The following GLDC variants were observed in gnomAD, a reference collection of about 807,000 sequenced individuals.
GLDC encodes the protein glycine dehydrogenase (decarboxylating), mitochondrial.
In GLDC, 104 loss-of-function variants were observed where a neutral mutation model predicts 121.3. That is an observed-to-expected ratio of 0.86 (90% CI 0.73 to 1.01). GLDC has a LOEUF of 1.01. Ranked by LOEUF, GLDC falls within the 50% of genes least tolerant of loss-of-function variation. The pLI is 0.00. For missense variants in GLDC, 1,429 were observed against 1,306.6 expected (o/e 1.09, Z -1.44); for synonymous variants, 546 against 480.6 (o/e 1.14, Z -1.78).
At chr9:6,538,669 T>C (rs760771102) in intron 22 of GLDC, among the ~76,000 whole-genome samples, 84 of 152,182 alleles carry the variant, frequency 5.5e-4, no homozygotes, top group Non-Finnish European at 9.6e-4. Flanking sequence ...GACAACATGA[T>C]TCAGAAACAC....
chr9:6,644,809 T>G (rs1362029502), intron 1 of GLDC, 117 bp from the exon 2 acceptor site: 1 of 745,272 alleles, frequency 1.3e-6, no homozygotes, highest in Non-Finnish European at 2.4e-6. Context: ...TAGGGTTCTT[T>G]TTAAAAGAAA....
At chr9:6,588,329 A>G in intron 14 of GLDC, 72 bp downstream of exon 14, 1 of 975,736 alleles carries the variant, frequency 1.0e-6, no homozygotes, top group Non-Finnish European at 1.7e-6. Context: ...AGATTTCACT[A>G]GTTCTGGGCT....
chr9:6,599,038 G>C (rs1327445828), intron 8 of GLDC, among the ~76,000 whole-genome samples: 1 of 152,022 alleles, frequency 6.6e-6, no homozygotes, highest in Non-Finnish European at 1.5e-5. Flanking sequence ...AAAAATATTA[G>C]CCAGGCATGG....
chr9:6,591,931 A>C lies in GLDC; in HGVS notation c.1482+212T>G, dbSNP rs1212490073. Reference sequence around the variant, plus strand: ...TGAAACACCATTAACAATCTTTCCAACTAGCCTGGGTGCATAATACTGGCT... The same window carrying C: ...TGAAACACCATTAACAATCTTTCCACCTAGCCTGGGTGCATAATACTGGCT... On this transcript the variant is annotated intron_variant, in intron 11 of 24. Coordinates refer to ENST00000321612, the MANE Select transcript of GLDC (RefSeq NM_000170.3). 1.0e-4 allele frequency: 57 copies of C among 563,418 alleles called. No individual in the cohort carries two copies. The Admixed American group carries it at 1.6e-3, about 16-fold the overall frequency. The allele number at this position is 563,418 out of a possible 1,614,324, so 34.9% of individuals were successfully genotyped here.
At chr9:6,554,470 G>T (rs1444321949) in intron 19 of GLDC, among the ~76,000 whole-genome samples, 199 bp downstream of exon 19, 2 of 152,200 alleles carry the variant, frequency 1.3e-5, no homozygotes, top group Non-Finnish European at 2.9e-5. Context: ...GCTATGGTTA[G>T]TAAAATCTAA....
chr9:6,622,299 C>G (rs187344978), intron 2 of GLDC, among the ~76,000 whole-genome samples: 1 of 151,354 alleles, frequency 6.6e-6, no homozygotes, highest in Admixed American at 6.6e-5. Flanking sequence ...CGGGCCGAAG[C>G]TGGACTGTGC....
intron 3 of GLDC, among the ~76,000 whole-genome samples, chr9:6,619,205 T>C (rs908858596): frequency 6.7e-6 from 1 of 148,350 alleles, no homozygotes; most frequent in Non-Finnish European, 1.5e-5. Flanking sequence ...TATCTAACTG[T>C]TGAGGTAAGA....
At chr9:6,580,280 T>A (rs1327277554) in intron 15 of GLDC, among the ~76,000 whole-genome samples, 3 of 152,234 alleles carry the variant, frequency 2.0e-5, no homozygotes, top group Non-Finnish European at 4.4e-5. Context: ...GGGCCTGTTC[T>A]GTTGATAACA....
chr9:6,618,912 G>C (rs1313518581), intron 3 of GLDC, among the ~76,000 whole-genome samples: 1 of 151,758 alleles, frequency 6.6e-6, no homozygotes, highest in Non-Finnish European at 1.5e-5. Flanking sequence ...GGGAGGCCAA[G>C]GCGGGTGGAT....
intron 16 of GLDC, among the ~76,000 whole-genome samples, chr9:6,559,710 G>A (rs375352422): frequency 1.3e-5 from 2 of 151,596 alleles, no homozygotes; most frequent in African/African-American, 4.8e-5. Context: ...AGCTACTCAG[G>A]AGGCTGAGAC....
At chr9:6,633,769 A>C (rs975456894) in intron 2 of GLDC, among the ~76,000 whole-genome samples, 3 of 151,574 alleles carry the variant, frequency 2.0e-5, no homozygotes, top group Non-Finnish European at 4.4e-5. Context: ...AAAAATACAA[A>C]AATGAGCTAG....
intron 4 of GLDC, among the ~76,000 whole-genome samples, chr9:6,609,950 C>T (rs1286400861): frequency 6.6e-6 from 1 of 152,124 alleles, no homozygotes; most frequent in Non-Finnish European, 1.5e-5. Context: ...GCCTGCCAAC[C>T]TCAGCCCTCC....
chr9:6,567,366 T>C (rs1563840620), intron 15 of GLDC: 1 of 152,182 alleles, frequency 6.6e-6, no homozygotes, highest in Non-Finnish European at 1.5e-5. Context: ...AGGAAACCAC[T>C]CACATCACAA....
At chr9:6,562,338 C>A (rs1160291207) in intron 16 of GLDC, among the ~76,000 whole-genome samples, 1 of 151,970 alleles carries the variant, frequency 6.6e-6, no homozygotes, top group East Asian at 1.9e-4. Flanking sequence ...AAGAAAAGAC[C>A]CATCAGGAGC....
At position 6,532,845 on chromosome 9, in the gene GLDC, C is replaced by T; in HGVS notation, c.*172G>A. On this transcript the variant is annotated 3_prime_UTR_variant, in exon 25 of 25. Transcript: ENST00000321612. ...AGCAAATCCGTCTTCCAACCATCAGCTTCGACTCCCTCCAGCTACTGTATT... is the reference window on the plus strand; with the variant it reads ...AGCAAATCCGTCTTCCAACCATCAGTTTCGACTCCCTCCAGCTACTGTATT... 1 of 662,562 alleles carries T rather than the reference C, an allele frequency of 1.5e-6. No individual in the cohort carries two copies. Among genetic ancestry groups the T allele is most frequent in the Non-Finnish European group, 2.7e-6 (1 of 367,476 alleles). 41.0% of individuals were successfully genotyped at this position (662,562 alleles called of 1,614,324 possible).
chr9:6,570,840 G>A (rs1336822949), intron 15 of GLDC, among the ~76,000 whole-genome samples: 1 of 114,644 alleles, frequency 8.7e-6, no homozygotes, highest in African/African-American at 3.4e-5. Flanking sequence ...CGCAACAAGA[G>A]CAAAACTCTG....
chr9:6,611,818 T>A (rs1352378420), intron 3 of GLDC, among the ~76,000 whole-genome samples: 3 of 152,186 alleles, frequency 2.0e-5, no homozygotes, highest in Non-Finnish European at 4.4e-5. Flanking sequence ...ATGGACTAGA[T>A]TGTATGTGTG....
At chr9:6,640,690 T>G (rs138471117) in intron 2 of GLDC, among the ~76,000 whole-genome samples, 1 of 152,242 alleles carries the variant, frequency 6.6e-6, no homozygotes, top group Non-Finnish European at 1.5e-5. Flanking sequence ...CTTTAATCCC[T>G]GCAGTTTATC....
chr9:6,622,890 C>CCA (rs1819140768), intron 2 of GLDC: 2 of 205,038 alleles, frequency 9.8e-6, no homozygotes, highest in Non-Finnish European at 2.0e-5. Context: ...GCCTCTGCCC[C>CCA]GCCGCCCGGT....
Sources: gnomAD v4.1 joint callset for allele counts (sites outside exome capture counted in the v4.1 genomes callset) on GRCh38, gnomAD v4.1.1 for gene constraint, MANE v1.5 for transcripts, NCBI Gene and HGNC (gene_info 2026-07-23, HGNC 2026-07-21) for gene names.